ABCA2: variants seen among roughly 807,000 people sequenced by gnomAD.
The protein encoded by ABCA2 is ATP binding cassette subfamily A member 2, also known as ATP-binding cassette sub-family A member 2.
In ABCA2, 84 loss-of-function variants were observed where a neutral mutation model predicts 262.8. The ratio of observed to expected loss-of-function variants is 0.32; its 90% CI spans 0.27 to 0.38. The LOEUF (loss-of-function observed/expected upper bound fraction) is 0.38. Ranked by LOEUF, ABCA2 falls within the 10% of genes least tolerant of loss-of-function variation. The probability of loss-of-function intolerance (pLI) is 1.00; values close to 1 mark genes in which losing one functional copy is unlikely to be tolerated. For missense variants in ABCA2, 2,662 were observed against 3,405.9 expected, an observed-to-expected ratio of 0.78 and a Z score of 5.44; for synonymous variants, 1,696 against 1,502.9, an observed-to-expected ratio of 1.13 and a Z score of -2.97.
chr9:137,008,138 G>T, intron 48 of ABCA2, 174 bp from the exon 49 acceptor site: 1 of 873,990 alleles, frequency 1.1e-6, no homozygotes. Context: ...CCGAGTCTGG[G>T]GGCCACTGAG....
Position 137,017,917 on chromosome 9 carries a change from G to C in ABCA2, c.2097-16C>G, listed in dbSNP as rs779724846. ...AAACAGGAAGCTGCGGGGAGGCCGC[G>C]CTCAGGCGCCACTCAGCCCCAGCCC... is the stretch of plus-strand genomic sequence containing the variant. On this transcript the variant is annotated splice_polypyrimidine_tract_variant and intron_variant, in intron 15 of 48. Transcript: ENST00000341511. The C allele has an allele frequency of 1.2e-6, 2 of 1,612,168 alleles. No individual in the cohort carries two copies. The highest frequency in any genetic ancestry group is 1.7e-6 in the Non-Finnish European group (2 of 1,179,694).
intron 3 of ABCA2, 36 bp downstream of exon 3, chr9:137,023,802 C>T (rs566371304): frequency 2.7e-6 from 2 of 751,888 alleles, no homozygotes; most frequent in South Asian, 2.9e-5. Context: ...GCAGCTGCTG[C>T]CCAGGCCAGC....
At chr9:137,022,528 T>C in intron 5 of ABCA2, 50 bp from the exon 6 acceptor site, 1 of 1,593,112 alleles carries the variant, frequency 6.3e-7, no homozygotes, top group Non-Finnish European at 8.6e-7. Context: ...CTTGGCAAGG[T>C]GCCCCCACAT....
chr9:137,008,137 G>A, intron 48 of ABCA2, 173 bp from the exon 49 acceptor site: 1 of 886,374 alleles, frequency 1.1e-6, no homozygotes, highest in Non-Finnish European at 1.8e-6. Context: ...GCCGAGTCTG[G>A]GGGCCACTGA....
chr9:137,028,357 C>CGCGCCCGCCAGGAG (rs911718835), upstream of ABCA2: 7 of 838,336 alleles, frequency 8.3e-6, no homozygotes, highest in East Asian at 1.3e-4. This position sits in a 1 kb window ranked among gnomAD's most constrained non-coding sequence, Gnocchi z 6.9. Flanking sequence ...GCGCTCCGTC[C>CGCGCCCGCCAGGAG]GCGCCCGCCA....
At chr9:137,012,977 C>G in intron 30 of ABCA2, 25 bp downstream of exon 30, 9 of 1,480,352 alleles carry the variant, frequency 6.1e-6, no homozygotes, top group African/African-American at 1.4e-5. Context: ...CCCCTGCCCC[C>G]CCAGCAGGCC....
chr9:137,011,760 G>A lies in ABCA2; in HGVS notation c.5536-11C>T. The A allele has an allele frequency of 6.4e-7, 1 of 1,550,422 alleles. No homozygotes were observed. Among genetic ancestry groups the A allele is most frequent in the Non-Finnish European group, 8.7e-7 (1 of 1,147,280 alleles). The stretch of plus-strand genomic sequence containing the variant: ...GACCAGGTAGTTGAGCTGCAGGGGT[G>A]GGGGCGGCTGGTGAGAGACCCGGGG... On this transcript the variant is annotated splice_polypyrimidine_tract_variant and intron_variant, in intron 35 of 48. Transcript: ENST00000341511. This position sits in a 1 kb window ranked among gnomAD's most constrained non-coding sequence, Gnocchi z 8.8.
chr9:137,015,577 G>A lies in ABCA2; in HGVS notation c.3534C>T (p.Ser1178=). The A allele has an allele frequency of 6.2e-7, 1 of 1,612,494 alleles. No individual in the cohort carries two copies. The highest frequency in any genetic ancestry group is 8.5e-7 in the Non-Finnish European group (1 of 1,179,766). Residue 1178 remains serine (S), a synonymous_variant, in exon 24 of 49, where the codon TCC becomes TCT. Coordinates refer to ENST00000341511, the MANE Select transcript of ABCA2 (RefSeq NM_001606.5). ...KYKPGRTILL[S]THHMDEADLL... is the part of the protein sequence containing the mutation. Reference sequence around the variant, plus strand: ...GGTCAGCCTCATCCATGTGGTGGGTGGACAGAAGGATGGTGCGGCCTAGGA... The same window carrying A: ...GGTCAGCCTCATCCATGTGGTGGGTAGACAGAAGGATGGTGCGGCCTAGGA...
Position 137,008,880 on chromosome 9 carries a change from G to C in ABCA2, c.6931-12C>G. The C allele has an allele frequency of 1.2e-6, 2 of 1,603,384 alleles. No individual in the cohort carries two copies. Among genetic ancestry groups the C allele is most frequent in the Non-Finnish European group, 1.7e-6 (2 of 1,179,332 alleles). On this transcript the variant is annotated splice_polypyrimidine_tract_variant and intron_variant, in intron 46 of 48. Coordinates refer to ENST00000341511, the MANE Select transcript of ABCA2 (RefSeq NM_001606.5). ...GTGTGGTGCCGCTCCTGCAGGGGGGGAGGTCAGAGGCCTGGCAGCGCCCCC... is the reference window on the plus strand; with the variant it reads ...GTGTGGTGCCGCTCCTGCAGGGGGGCAGGTCAGAGGCCTGGCAGCGCCCCC...
chr9:137,014,106 C>T, intron 27 of ABCA2, 62 bp downstream of exon 27: 2 of 1,587,948 alleles, frequency 1.3e-6, no homozygotes, highest in South Asian at 1.1e-5. Context: ...TGCCCTCATG[C>T]CGCTCCCCCG....
chr9:137,011,057 C>T lies in ABCA2; in HGVS notation c.5972G>A (p.Arg1991His), dbSNP rs747402455. Residue 1991 changes from arginine (R) to histidine (H), a missense_variant, in exon 39 of 49, where the codon CGC becomes CAC. Arg to His is a conservative substitution (Grantham distance 29). This residue lies in a region of ABCA2 where 602 missense variants were observed against 897.4 expected (regional missense o/e 0.67). Coordinates refer to ENST00000341511, the MANE Select transcript of ABCA2 (RefSeq NM_001606.5). The surrounding 1 kb of genome is among the most constrained non-coding windows in gnomAD (Gnocchi z 8.8). ...KSPFEWDIVT[R>H]GLVAMAVEGV... The stretch of plus-strand genomic sequence containing the variant: ...CTCAACCGCCATGGCCACCAGTCCG[C>T]GGGTGACAATGTCCCACTCGAACGG... 11 of 1,611,852 alleles carry T rather than the reference C, an allele frequency of 6.8e-6. No homozygotes were observed. In the East Asian group the frequency reaches 1.3e-4, roughly 20 times the overall value.
rs1830886115 is a variant in ABCA2, at chr9:137,007,819, C to T, written c.*110G>A. On this transcript the variant is annotated 3_prime_UTR_variant, in exon 49 of 49. Coordinates refer to ENST00000341511, the MANE Select transcript of ABCA2 (RefSeq NM_001606.5). ...CCAGAAGCCCCTTGGTCCTGAACCT[C>T]CACTCCAGGCCCTGGCAGGCACTGG... 5.5e-6 allele frequency: 8 copies of T among 1,463,690 alleles called. No individual in the cohort carries two copies. Among genetic ancestry groups the T allele is most frequent in the African/African-American group, 1.4e-5 (1 of 71,536 alleles). The allele number at this position is 1,463,690 out of a possible 1,614,324, so 90.7% of individuals were successfully genotyped here.
chr9:137,023,093 G>A (rs1414403996), intron 3 of ABCA2, 41 bp from the exon 4 acceptor site: 8 of 1,457,072 alleles, frequency 5.5e-6, no homozygotes, highest in Non-Finnish European at 7.5e-6. Context: ...GGGGTGAAAG[G>A]GGAGAGAGAG....
Position 137,007,780 on chromosome 9 carries a change from C to T in ABCA2, c.*149G>A, listed in dbSNP as rs1830884681. The T allele has an allele frequency of 9.0e-7, 1 of 1,111,676 alleles. No individual in the cohort carries two copies. The allele number at this position is 1,111,676 out of a possible 1,614,324, so 68.9% of individuals were successfully genotyped here. On this transcript the variant is annotated 3_prime_UTR_variant, in exon 49 of 49. Coordinates refer to ENST00000341511, the MANE Select transcript of ABCA2 (RefSeq NM_001606.5). ...AGTGACCACAGGGCATGGCCGAGTA[C>T]AGGGGCTGGAGGACCAGAAGCCCCT...
chr9:137,020,021 G>A, intron 10 of ABCA2: 1 of 312,764 alleles, frequency 3.2e-6, no homozygotes. Flanking sequence ...CTGCCCAGCT[G>A]CCCGCCCACG....
chr9:137,028,667 G>T, upstream of ABCA2: 1 of 1,162,216 alleles, frequency 8.6e-7, no homozygotes, highest in Non-Finnish European at 1.1e-6. The surrounding 1 kb of genome is among the most constrained non-coding windows in gnomAD (Gnocchi z 6.9). Context: ...CCCCGTAAGG[G>T]TCTCCTGTGT....
chr9:137,013,257 C>G lies in ABCA2; in HGVS notation c.4612G>C (p.Gly1538Arg). The change falls in exon 30 of 49, where the codon GGG becomes CGG. Residue 1538 changes from glycine to arginine, a missense_variant. Physicochemically the swap from Gly to Arg is moderately radical, Grantham distance 125. Around this residue, in one of 12 missense-constraint regions of ABCA2, gnomAD observed 192 missense variants for 207.2 expected, o/e 0.93. Coordinates refer to ENST00000341511, the MANE Select transcript of ABCA2 (RefSeq NM_001606.5). The stretch of plus-strand genomic sequence containing the variant: ...TTGAGCACGCAGGTGGCACCCACCC[C>G]CGACGGCAGCCGGAACGTGCTCACG... ...QLVSTFRLPSGVGATCVLKSP... is the reference protein window; with the variant it reads ...QLVSTFRLPSRVGATCVLKSP... 6.3e-7 allele frequency: 1 copy of G among 1,592,724 alleles called. No homozygotes were observed. Among genetic ancestry groups the G allele is most frequent in the Non-Finnish European group, 8.5e-7 (1 of 1,174,604 alleles).
At chr9:137,023,198 AG>A in intron 3 of ABCA2, 146 bp from the exon 4 acceptor site, 3 of 703,224 alleles carry the variant, frequency 4.3e-6, no homozygotes, top group Non-Finnish European at 7.2e-6. Context: ...AAGGCGGCAC[AG>A]AGCCCTGGCC....
chr9:137,021,776 C>A lies in ABCA2; in HGVS notation c.678+115G>T. The A allele has an allele frequency of 2.4e-6, 3 of 1,260,264 alleles. No individual in the cohort carries two copies. Among genetic ancestry groups the A allele is most frequent in the Non-Finnish European group, 3.4e-6 (3 of 894,464 alleles). 78.1% of individuals were successfully genotyped at this position (1,260,264 alleles called of 1,614,324 possible). On this transcript the variant is annotated intron_variant, in intron 7 of 48. Transcript: ENST00000341511. This position sits in a 1 kb window ranked among gnomAD's most constrained non-coding sequence, Gnocchi z 6.0. The stretch of plus-strand genomic sequence containing the variant: ...TGCCATAGACCCCTGGGACCCTCCC[C>A]CTCTCCCAGGAGGAGCTCCAAGTCA...
Sources: allele counts gnomAD v4.1 joint callset, GRCh38; gene constraint gnomAD v4.1.1; regional missense constraint gnomAD v4.1.1; non-coding constraint Gnocchi (gnomAD v3.1); transcripts MANE v1.5; gene names NCBI Gene and HGNC (gene_info 2026-07-23, HGNC 2026-07-21).